The following GOLPH3 variants were observed in gnomAD, a reference collection of about 807,000 sequenced individuals.
GOLPH3 encodes golgi phosphoprotein 3.
In GOLPH3, 14 loss-of-function variants were observed where a neutral mutation model predicts 28.5. That is an observed-to-expected ratio of 0.49 (90% CI 0.32 to 0.77). The LOEUF (loss-of-function observed/expected upper bound fraction) is 0.77, where lower values mean the gene tolerates loss of function less well. Among genes scored for constraint, GOLPH3 ranks in the 30% least tolerant of loss-of-function variants. GOLPH3 has a pLI of 0.03. For synonymous variants in GOLPH3, 158 were observed against 159.2 expected (o/e 0.99, Z 0.06); for missense variants, 350 against 393.7 (o/e 0.89, Z 0.94).
intron 3 of GOLPH3, among the ~76,000 whole-genome samples, chr5:32,131,497 T>G (rs1269897106): frequency 6.6e-6 from 1 of 152,252 alleles, no homozygotes; most frequent in African/African-American, 2.4e-5. Context: ...AAGTGAATAC[T>G]TTTTAAATAC....
intron 1 of GOLPH3, among the ~76,000 whole-genome samples, chr5:32,165,539 C>T (rs1172116619): frequency 1.3e-5 from 2 of 151,950 alleles, no homozygotes; most frequent in Non-Finnish European, 2.9e-5. Flanking sequence ...GCATAGATTG[C>T]ACCACTGCAC....
Position 32,124,750 on chromosome 5 carries a change from C to G in GOLPH3, c.*1462G>C, listed in dbSNP as rs996022448. On this transcript the variant is annotated 3_prime_UTR_variant, in exon 4 of 4. Transcript: ENST00000265070. Reference sequence around the variant, plus strand: ...TTTCAAGATCATTGTTTATTTATTACTTCAGATAAAAAGATAGTATACATA... The same window carrying G: ...TTTCAAGATCATTGTTTATTTATTAGTTCAGATAAAAAGATAGTATACATA... 2.0e-5 allele frequency: 3 copies of G among 152,258 alleles called. No homozygotes were observed. Among genetic ancestry groups the G allele is most frequent in the South Asian group, 2.1e-4 (1 of 4,832 alleles). 9.4% of individuals were successfully genotyped at this position (152,258 alleles called of 1,614,324 possible).
intron 3 of GOLPH3, among the ~76,000 whole-genome samples, chr5:32,130,361 T>C (rs1247927252): frequency 6.6e-6 from 1 of 152,208 alleles, no homozygotes; most frequent in African/African-American, 2.4e-5. Flanking sequence ...TAAAAGCCTA[T>C]TTAAAAAACT....
Position 32,126,403 on chromosome 5 carries a change from A to G in GOLPH3, c.706T>C (p.Leu236=), listed in dbSNP as rs1745681136. 1.2e-6 allele frequency: 2 copies of G among 1,614,040 alleles called. No individual in the cohort carries two copies. Among genetic ancestry groups the G allele is most frequent in the Admixed American group, 1.7e-5 (1 of 60,000 alleles). Residue 236 remains leucine (L), a synonymous_variant, in exon 4 of 4, where the codon TTG becomes CTG. Transcript: ENST00000265070. ...TGAGCCAGGTAAATGAGGGCCAGCA[A>G]GCGCCTGTCCATGCGGTGAGGGTCA... ...VNDPHRMDRR[L]LALIYLAHAS... is the part of the protein sequence containing the mutation.
chr5:32,128,032 C>A (rs576920889), intron 3 of GOLPH3, among the ~76,000 whole-genome samples: 11 of 152,146 alleles, frequency 7.2e-5, no homozygotes, highest in African/African-American at 2.6e-4. Flanking sequence ...GCTAAGGCAG[C>A]TGCAGTGTGC....
intron 1 of GOLPH3, among the ~76,000 whole-genome samples, chr5:32,144,555 C>CTGCA (rs1283543724): frequency 6.6e-6 from 1 of 152,250 alleles, no homozygotes; most frequent in African/African-American, 2.4e-5. Flanking sequence ...CACCAACACA[C>CTGCA]TGCAGCCTGG....
intron 2 of GOLPH3, 46 bp from the exon 3 acceptor site, chr5:32,135,732 C>A: frequency 9.5e-7 from 1 of 1,055,866 alleles, no homozygotes; most frequent in South Asian, 1.3e-5. Flanking sequence ...AATGCCTTTT[C>A]TGAGTTGATC....
chr5:32,143,069 G>A (rs183859780), intron 2 of GOLPH3, among the ~76,000 whole-genome samples: 3,014 of 152,274 alleles, frequency 0.02, 40 homozygotes, highest in Non-Finnish European at 0.031. Flanking sequence ...TGTAGAAAGA[G>A]GTAGACATGG....
chr5:32,147,436 C>CA (rs771355320), intron 1 of GOLPH3, among the ~76,000 whole-genome samples: 6,459 of 129,608 alleles, frequency 0.05, 231 homozygotes, highest in East Asian at 0.18. Flanking sequence ...TCATCTCAAA[C>CA]AAAAAAAAAA....
At chr5:32,170,292 A>AGT (rs2111901235) in intron 1 of GOLPH3, among the ~76,000 whole-genome samples, 1 of 152,322 alleles carries the variant, frequency 6.6e-6, no homozygotes, top group South Asian at 2.1e-4. Flanking sequence ...AGGAATGGGT[A>AGT]GTGACTGGAA....
At chr5:32,168,903 G>A (rs1182400717) in intron 1 of GOLPH3, among the ~76,000 whole-genome samples, 1 of 152,012 alleles carries the variant, frequency 6.6e-6, no homozygotes, top group African/African-American at 2.4e-5. Flanking sequence ...AGGCTGCAGT[G>A]AGCTATGATC....
chr5:32,138,773 T>C (rs936372420), intron 2 of GOLPH3, among the ~76,000 whole-genome samples: 2 of 152,206 alleles, frequency 1.3e-5, no homozygotes, highest in East Asian at 1.9e-4. Flanking sequence ...GTCTGGCTCA[T>C]AGATGTATGT....
At chr5:32,143,638 A>G in intron 2 of GOLPH3, 111 bp downstream of exon 2, 1 of 954,934 alleles carries the variant, frequency 1.0e-6, no homozygotes, top group East Asian at 2.8e-5. Flanking sequence ...AATTGAAGAA[A>G]GACAACTTTA....
At chr5:32,131,136 T>C (rs930294715) in intron 3 of GOLPH3, among the ~76,000 whole-genome samples, 40 of 152,302 alleles carry the variant, frequency 2.6e-4, no homozygotes, top group Non-Finnish European at 4.9e-4. Flanking sequence ...GTGTGCTCAC[T>C]CCAACAAATA....
chr5:32,126,142 A>G lies in GOLPH3; in HGVS notation c.*70T>C. 6.9e-7 allele frequency: 1 copy of G among 1,453,148 alleles called. No individual in the cohort carries two copies. The allele number at this position is 1,453,148 out of a possible 1,614,324, so 90.0% of individuals were successfully genotyped here. A position where few individuals can be genotyped will look rare whatever the true frequency, so the allele number is the denominator to read the frequency against. ...TGTGGGAAAGTACAAATTACAGAAA[A>G]CCAGAAGTCAACAGAAGAAAAACTA... is the stretch of plus-strand genomic sequence containing the variant. On this transcript the variant is annotated 3_prime_UTR_variant, in exon 4 of 4. Transcript: ENST00000265070.
At chr5:32,143,214 G>A (rs1267168918) in intron 2 of GOLPH3, among the ~76,000 whole-genome samples, 4 of 152,026 alleles carry the variant, frequency 2.6e-5, no homozygotes, top group Non-Finnish European at 4.4e-5. Context: ...ATTAAGGGCG[G>A]TGCAAGATGT....
chr5:32,134,777 C>G (rs1193403125), intron 3 of GOLPH3: 1 of 152,134 alleles, frequency 6.6e-6, no homozygotes, highest in Non-Finnish European at 1.5e-5. Context: ...GCTAACTGAT[C>G]ACAAGTTAGA....
In GOLPH3 at chr5:32,158,014, TAAATAAAATACACAC is replaced by T. The variant is rs1746472364; in HGVS notation, c.226-14149_226-14135del. 3.3e-4 allele frequency among the ~76,000 whole-genome samples: 11 copies of T among 33,544 alleles called. 1 individual carries two copies. Among genetic ancestry groups the T allele is most frequent in the African/African-American group, 1.1e-3 (11 of 10,168 alleles). The allele number at this position is 33,544 out of a possible 152,430, so 22.0% of individuals were successfully genotyped here. Reference sequence around the variant, plus strand: ...ATAAATAAATAAATAAATAAATAAATAAATAAAATACACACACACACACACACACACACACACACA... The same window carrying T: ...ATAAATAAATAAATAAATAAATAAATACACACACACACACACACACACACA... On this transcript the variant is annotated intron_variant, in intron 1 of 3. Coordinates refer to ENST00000265070, the MANE Select transcript of GOLPH3 (RefSeq NM_022130.4).
chr5:32,160,393 C>T lies in GOLPH3; in HGVS notation c.225+13417G>A, dbSNP rs367860706. 1.1e-3 allele frequency among the ~76,000 whole-genome samples: 160 copies of T among 152,182 alleles called. 1 individual carries two copies. Among genetic ancestry groups the T allele is most frequent in the African/African-American group, 3.8e-3 (159 of 41,518 alleles). ...ATACCCAGCTGGAAGTAATATATTT[C>T]AAGAATAATTTTAACTCAATAAACT... On this transcript the variant is annotated intron_variant, in intron 1 of 3. Coordinates refer to ENST00000265070, the MANE Select transcript of GOLPH3 (RefSeq NM_022130.4).
Sources: gnomAD v4.1 joint callset for allele counts (sites outside exome capture counted in the v4.1 genomes callset) on GRCh38, gnomAD v4.1.1 for gene constraint, MANE v1.5 for transcripts, NCBI Gene and HGNC (gene_info 2026-07-23, HGNC 2026-07-21) for gene names.